Variants in NAALADL2 observed in about 807,000 individuals in gnomAD.
The protein encoded by NAALADL2 is N-acetylated alpha-linked acidic dipeptidase like 2.
Under a neutral mutation model 87.2 loss-of-function variants are expected in NAALADL2, and 76 were observed. The ratio of observed to expected loss-of-function variants is 0.87; its 90% CI spans 0.72 to 1.05. The LOEUF is 1.05. NAALADL2 is among the 50% of genes least tolerant of loss of function. The pLI is 0.00. For synonymous variants in NAALADL2, 354 were observed against 331.0 expected (o/e 1.07, Z -0.75); for missense variants, 1,089 against 945.8 (o/e 1.15, Z -1.99).
intron 5 of NAALADL2, among the ~76,000 whole-genome samples, chr3:175,390,993 C>T (rs774399305): frequency 2.6e-5 from 4 of 152,110 alleles, no homozygotes; most frequent in African/African-American, 4.8e-5. Flanking sequence ...CCAATGAGGC[C>T]TATTTCTGTC....
intron 1 of NAALADL2, among the ~76,000 whole-genome samples, chr3:174,922,390 G>A (rs1464510628): frequency 1.3e-5 from 2 of 150,810 alleles, no homozygotes; most frequent in Non-Finnish European, 3.0e-5. Flanking sequence ...CTTAAAAGTT[G>A]CAAAAATAAG....
chr3:175,545,968 A>G (rs1713238247), intron 9 of NAALADL2, among the ~76,000 whole-genome samples: 1 of 152,112 alleles, frequency 6.6e-6, no homozygotes, highest in South Asian at 2.1e-4. Flanking sequence ...AATAATACAG[A>G]CCTTTGTTCT....
At chr3:174,917,691 T>G (rs1734595660) in intron 1 of NAALADL2, among the ~76,000 whole-genome samples, 1 of 152,052 alleles carries the variant, frequency 6.6e-6, no homozygotes, top group Non-Finnish European at 1.5e-5. Flanking sequence ...TAGTTAAAAT[T>G]GAATTTTAGT....
chr3:174,990,609 G>A (rs1202259711), intron 1 of NAALADL2, among the ~76,000 whole-genome samples: 1 of 151,870 alleles, frequency 6.6e-6, no homozygotes, highest in Admixed American at 6.6e-5. Context: ...TTCAAAAGTC[G>A]ATAAAAACCA....
intron 4 of NAALADL2, among the ~76,000 whole-genome samples, chr3:175,292,591 G>GAC (rs1560302143): frequency 2.3e-5 from 1 of 44,126 alleles, no homozygotes; most frequent in Non-Finnish European, 4.2e-5. Flanking sequence ...TGTGAGTTGG[G>GAC]ATACACACAC....
intron 1 of NAALADL2, among the ~76,000 whole-genome samples, chr3:174,878,975 A>T (rs1222388048): frequency 6.6e-6 from 1 of 152,022 alleles, no homozygotes; most frequent in Non-Finnish European, 1.5e-5. Context: ...TCTTTCTTCA[A>T]TCTCAGTACG....
chr3:174,946,299 G>T (rs987264924), intron 1 of NAALADL2, among the ~76,000 whole-genome samples: 3 of 151,888 alleles, frequency 2.0e-5, no homozygotes, highest in African/African-American at 4.8e-5. Flanking sequence ...ATGTATGTTT[G>T]GTCTAGTGTA....
intron 1 of NAALADL2, among the ~76,000 whole-genome samples, chr3:175,036,809 T>C (rs1753469488): frequency 6.7e-6 from 1 of 149,154 alleles, no homozygotes; most frequent in Non-Finnish European, 1.5e-5. Flanking sequence ...CTGTTCTTTT[T>C]TTTTTTTTTT....
At chr3:175,096,446 G>T (rs1439917556) in intron 1 of NAALADL2, among the ~76,000 whole-genome samples, 1 of 150,900 alleles carries the variant, frequency 6.6e-6, no homozygotes, top group Non-Finnish European at 1.5e-5. Context: ...CAATGTAATT[G>T]TACATTCATG....
At chr3:174,543,492 A>T (rs543831664) in intron 1 of NAALADL2, among the ~76,000 whole-genome samples, 5 of 152,260 alleles carry the variant, frequency 3.3e-5, no homozygotes, top group African/African-American at 1.2e-4. Flanking sequence ...ACAGCATTTT[A>T]AGAAAACTGC....
intron 3 of NAALADL2, among the ~76,000 whole-genome samples, chr3:174,794,981 CT>C (rs772447340): frequency 0.055 from 3,648 of 66,288 alleles, 7 homozygotes; most frequent in Non-Finnish European, 0.061. Context: ...TCTAGTCCAG[CT>C]TTTTTTTTTT....
chr3:174,944,337 G>A (rs759288602), intron 1 of NAALADL2, among the ~76,000 whole-genome samples: 3 of 152,108 alleles, frequency 2.0e-5, no homozygotes, highest in Non-Finnish European at 4.4e-5. Context: ...GTGCTGTGCT[G>A]GGGAATTCCT....
chr3:175,310,644 G>T (rs1027079359), intron 4 of NAALADL2, among the ~76,000 whole-genome samples: 1 of 151,656 alleles, frequency 6.6e-6, no homozygotes, highest in African/African-American at 2.4e-5. Flanking sequence ...CAGACTAAAT[G>T]ATGAAGAGCT....
intron 11 of NAALADL2, among the ~76,000 whole-genome samples, chr3:175,662,455 C>A (rs138179840): frequency 2.2e-4 from 33 of 152,004 alleles, no homozygotes; most frequent in Non-Finnish European, 4.1e-4. Flanking sequence ...TTGACTTTTT[C>A]CTTTCCAATT....
intron 2 of NAALADL2, among the ~76,000 whole-genome samples, chr3:174,609,627 AAGG>A (rs1277512849): frequency 1.3e-5 from 2 of 152,180 alleles, no homozygotes; most frequent in Non-Finnish European, 2.9e-5. Flanking sequence ...GGACCTCTTC[AAGG>A]AGAAGTACAA....
chr3:174,852,256 G>T lies in NAALADL2; in HGVS notation c.-9+114510G>T, dbSNP rs974308388. Among the ~76,000 whole-genome samples the T allele has an allele frequency of 2.6e-5, 4 of 151,988 alleles. No individual in the cohort carries two copies. The East Asian group carries it at 5.8e-4, about 22-fold the overall frequency. On this transcript the variant is annotated intron_variant, in intron 3 of 3. Coordinates refer to the NAALADL2 transcript ENST00000434257. ...ACAAGAGAAAGAAATAAAGGCATCC[G>T]AATTGGAAAGGAATTAAAAATATCC...
At chr3:174,958,193 T>A (rs1248902756) in intron 1 of NAALADL2, among the ~76,000 whole-genome samples, 1 of 151,188 alleles carries the variant, frequency 6.6e-6, no homozygotes, top group Non-Finnish European at 1.5e-5. Context: ...AAGTCTATCT[T>A]TGCCTAATCA....
chr3:175,678,880 C>G lies in NAALADL2; in HGVS notation c.1896+51494C>G, dbSNP rs138103155. On this transcript the variant is annotated intron_variant, in intron 11 of 13. Coordinates refer to ENST00000454872, the MANE Select transcript of NAALADL2 (RefSeq NM_207015.3). ...ACTTGCATCCATGTGAAGAGACCACCAAACAGGCTTTGTGTGAGCAACAAG... is the reference window on the plus strand; with the variant it reads ...ACTTGCATCCATGTGAAGAGACCACGAAACAGGCTTTGTGTGAGCAACAAG... Among the ~76,000 whole-genome samples the G allele has an allele frequency of 8.6e-3, 1,309 of 152,228 alleles. 12 individuals carry two copies. The highest frequency in any genetic ancestry group is 0.013 in the Non-Finnish European group (882 of 68,012).
At chr3:174,992,645 G>T (rs2108722925) in intron 1 of NAALADL2, among the ~76,000 whole-genome samples, 1 of 151,996 alleles carries the variant, frequency 6.6e-6, no homozygotes, top group Non-Finnish European at 1.5e-5. Flanking sequence ...GTTTTCTAAT[G>T]ACCCTAAAAT....
Sources: gnomAD v4.1 joint callset for allele counts (sites outside exome capture counted in the v4.1 genomes callset) on GRCh38, gnomAD v4.1.1 for gene constraint, MANE v1.5 for transcripts, NCBI Gene and HGNC (gene_info 2026-07-23, HGNC 2026-07-21) for gene names.